The following SLC6A11 variants were observed in gnomAD, a reference collection of about 807,000 sequenced individuals.
SLC6A11 encodes solute carrier family 6 member 11.
Under a neutral mutation model 74.8 loss-of-function variants are expected in SLC6A11, and 25 were observed. That is an observed-to-expected ratio of 0.33 (90% CI 0.24 to 0.47). The LOEUF (loss-of-function observed/expected upper bound fraction) is 0.47, where lower values mean the gene tolerates loss of function less well. Among genes scored for constraint, SLC6A11 ranks in the 20% least tolerant of loss-of-function variants. The pLI, the probability that SLC6A11 is intolerant of heterozygous loss-of-function variation, is 1.00. For missense variants in SLC6A11, 574 were observed against 837.0 expected (o/e 0.69, Z 3.88); for synonymous variants, 330 against 330.2 (o/e 1.00, Z 0.01).
At chr3:10,874,843 G>T in intron 5 of SLC6A11, 118 bp from the exon 6 acceptor site, 1 of 985,796 alleles carries the variant, frequency 1.0e-6, no homozygotes, top group South Asian at 2.1e-5. Context: ...GGGGAATGCT[G>T]GTCAGCCTTG....
chr3:10,866,055 TTC>T (rs1694759485), intron 5 of SLC6A11, among the ~76,000 whole-genome samples: 1 of 152,230 alleles, frequency 6.6e-6, no homozygotes, highest in African/African-American at 2.4e-5. Context: ...GATAGTTTAT[TTC>T]TCTCTCCCAT....
intron 6 of SLC6A11, among the ~76,000 whole-genome samples, chr3:10,876,224 G>A (rs558121014): frequency 6.6e-6 from 1 of 152,284 alleles, no homozygotes; most frequent in East Asian, 1.9e-4. Flanking sequence ...TTTTGTCTCA[G>A]TTTGCCATGC....
At chr3:10,852,968 G>T (rs1694594712) in intron 5 of SLC6A11, among the ~76,000 whole-genome samples, 1 of 152,172 alleles carries the variant, frequency 6.6e-6, no homozygotes, top group South Asian at 2.1e-4. Context: ...GGAGCTGGGA[G>T]TCAGGAGCCC....
At chr3:10,912,277 C>A in intron 7 of SLC6A11, 84 bp downstream of exon 7, 1 of 953,254 alleles carries the variant, frequency 1.0e-6, no homozygotes, top group Non-Finnish European at 1.7e-6. Context: ...GTTTGTCTGC[C>A]CACCTTGCAG....
At chr3:10,917,858 C>G (rs150824403) in intron 7 of SLC6A11, among the ~76,000 whole-genome samples, 31 of 152,256 alleles carry the variant, frequency 2.0e-4, no homozygotes, top group Non-Finnish European at 3.5e-4. Flanking sequence ...TAAAGCCTCT[C>G]CCCCGGAGGC....
At chr3:10,858,920 G>T (rs193014901) in intron 5 of SLC6A11, among the ~76,000 whole-genome samples, 1 of 152,316 alleles carries the variant, frequency 6.6e-6, no homozygotes, top group Admixed American at 6.5e-5. Context: ...GCTCTGGAAA[G>T]GAATGGAACA....
intron 4 of SLC6A11, among the ~76,000 whole-genome samples, chr3:10,831,317 A>G (rs1013254790): frequency 1.3e-5 from 2 of 152,142 alleles, no homozygotes; most frequent in Non-Finnish European, 2.9e-5. Context: ...CACTAGTTAC[A>G]CAGAACCTGA....
intron 4 of SLC6A11, among the ~76,000 whole-genome samples, chr3:10,832,614 C>T (rs1317171912): frequency 6.6e-6 from 1 of 152,140 alleles, no homozygotes; most frequent in Non-Finnish European, 1.5e-5. Flanking sequence ...ATATGTCTCC[C>T]CAGCCCTGCT....
intron 10 of SLC6A11, among the ~76,000 whole-genome samples, chr3:10,930,753 C>T (rs1437568406): frequency 6.6e-6 from 1 of 151,932 alleles, no homozygotes; most frequent in Admixed American, 6.6e-5. Flanking sequence ...TCTTGAACTG[C>T]CTGCCCCAGG....
chr3:10,878,217 G>T (rs1249687737), intron 6 of SLC6A11, among the ~76,000 whole-genome samples: 1 of 152,106 alleles, frequency 6.6e-6, no homozygotes, highest in African/African-American at 2.4e-5. Context: ...CTGCCTCCTG[G>T]CTGCGTCCCC....
chr3:10,831,360 AG>A (rs1694294659), intron 4 of SLC6A11, among the ~76,000 whole-genome samples: 1 of 152,240 alleles, frequency 6.6e-6, no homozygotes, highest in East Asian at 1.9e-4. Flanking sequence ...TGTGATAGTT[AG>A]AAAGGACATG....
At chr3:10,922,296 A>G (rs1459016575) in intron 8 of SLC6A11, among the ~76,000 whole-genome samples, 1 of 152,202 alleles carries the variant, frequency 6.6e-6, no homozygotes, top group African/African-American at 2.4e-5. Context: ...AATAGATCTA[A>G]CAAAAAAACA....
chr3:10,922,972 T>C (rs1369838005), intron 8 of SLC6A11, among the ~76,000 whole-genome samples: 1 of 152,046 alleles, frequency 6.6e-6, no homozygotes, highest in Non-Finnish European at 1.5e-5. Context: ...AAATATTTTA[T>C]AGATAATTAG....
chr3:10,859,492 G>A (rs545347052), intron 5 of SLC6A11, among the ~76,000 whole-genome samples: 8 of 152,316 alleles, frequency 5.3e-5, no homozygotes, highest in African/African-American at 1.9e-4. Context: ...GACTCTGCAA[G>A]TAGAGATATT....
At position 10,915,538 on chromosome 3, in the gene SLC6A11, A is replaced by G. The variant is rs1428020072; in HGVS notation, c.996-2791A>G. ...CCAGCTCAGTGCCTGCCGACTTCAA[A>G]GCACTGTTACATAAGCGTTTTACCT... On this transcript the variant is annotated intron_variant, in intron 7 of 13. Transcript: ENST00000254488. The surrounding 1 kb of genome is among the most constrained non-coding windows in gnomAD (Gnocchi z 4.3). Among the ~76,000 whole-genome samples the G allele has an allele frequency of 1.3e-5, 2 of 152,192 alleles. No homozygotes were observed. Among genetic ancestry groups the G allele is most frequent in the Non-Finnish European group, 2.9e-5 (2 of 68,038 alleles).
chr3:10,894,976 G>C (rs1405781579), intron 6 of SLC6A11, among the ~76,000 whole-genome samples: 1 of 152,100 alleles, frequency 6.6e-6, no homozygotes, highest in African/African-American at 2.4e-5. Flanking sequence ...GAGGGCTTTG[G>C]GATCATACAG....
At chr3:10,903,710 T>C (rs947726281) in intron 6 of SLC6A11, among the ~76,000 whole-genome samples, 2 of 152,188 alleles carry the variant, frequency 1.3e-5, no homozygotes, top group African/African-American at 4.8e-5. Context: ...CACCTGCTGC[T>C]CATGAGGGCT....
intron 6 of SLC6A11, among the ~76,000 whole-genome samples, chr3:10,884,070 T>C (rs1280700169): frequency 1.3e-5 from 2 of 152,238 alleles, no homozygotes; most frequent in Non-Finnish European, 2.9e-5. Flanking sequence ...AGGTTGGAAC[T>C]GACCTGACAG....
intron 6 of SLC6A11, among the ~76,000 whole-genome samples, chr3:10,893,159 T>C (rs1182216792): frequency 6.6e-6 from 1 of 152,156 alleles, no homozygotes; most frequent in African/African-American, 2.4e-5. Flanking sequence ...TTTGGAGCTT[T>C]AAAGAAAATA....
Sources: gnomAD v4.1 joint callset for allele counts (sites outside exome capture counted in the v4.1 genomes callset) on GRCh38, gnomAD v4.1.1 for gene constraint, Gnocchi (gnomAD v3.1) non-coding constraint, MANE v1.5 for transcripts, NCBI Gene and HGNC (gene_info 2026-07-23, HGNC 2026-07-21) for gene names.